Variants in TOGARAM1 observed in about 807,000 individuals in gnomAD.
TOGARAM1 encodes the protein TOG array regulator of axonemal microtubules protein 1.
TOGARAM1 carries 100 observed loss-of-function variants against 166.6 expected under a neutral mutation model. That is an observed-to-expected ratio of 0.60 (90% CI 0.51 to 0.71). The LOEUF (loss-of-function observed/expected upper bound fraction) is 0.71. Among genes scored for constraint, TOGARAM1 ranks in the 30% least tolerant of loss-of-function variants. The pLI, the probability that TOGARAM1 is intolerant of heterozygous loss-of-function variation, is 0.00. For synonymous variants in TOGARAM1, 758 were observed against 763.8 expected, an observed-to-expected ratio of 0.99 and a Z score of 0.13; for missense variants, 2,029 against 2,102.7, an observed-to-expected ratio of 0.96 and a Z score of 0.69.
chr14:45,035,241 TC>T, intron 11 of TOGARAM1, among the ~76,000 whole-genome samples: 1 of 152,204 alleles, frequency 6.6e-6, no homozygotes, highest in East Asian at 1.9e-4. Context: ...ACACCTGTAG[TC>T]CCAGCTACTG....
rs570486827 is a variant in TOGARAM1 at position 45,067,079 on chromosome 14, A to G, written c.4749+312A>G. On this transcript the variant is annotated intron_variant, in intron 17 of 19. Coordinates refer to ENST00000361462, the MANE Select transcript of TOGARAM1 (RefSeq NM_001308120.2). ...ATGGAATGTAACTAATAAATTACTT[A>G]TATACATATCATATATAGATATATA... Among the ~76,000 whole-genome samples the G allele has an allele frequency of 2.2e-4, 33 of 152,332 alleles. No individual in the cohort carries two copies. The South Asian group carries it at 6.6e-3, about 31-fold the overall frequency.
intron 1 of TOGARAM1, among the ~76,000 whole-genome samples, chr14:44,991,030 G>A (rs1011586518): frequency 4.9e-5 from 7 of 141,808 alleles, no homozygotes; most frequent in Admixed American, 2.9e-4. Context: ...CACAGTTATG[G>A]CTCACTGCAG....
intron 15 of TOGARAM1, 47 bp downstream of exon 15, chr14:45,052,609 T>G: frequency 6.6e-7 from 1 of 1,519,970 alleles, no homozygotes; most frequent in South Asian, 1.2e-5. Context: ...AAGCAAAGCT[T>G]GTTTTTACAT....
In TOGARAM1 at chr14:44,962,927, C is replaced by T; in HGVS notation, c.506C>T (p.Ala169Val). The change falls in exon 1 of 20, where the codon GCA (alanine) becomes GTA (valine). Residue 169 changes from alanine to valine, a missense_variant. By Grantham distance (64) the Ala-to-Val change is moderately conservative. This residue lies in a region of TOGARAM1 where 1,453 missense variants were observed against 1,432.2 expected (regional missense o/e 1.01). Coordinates refer to ENST00000361462, the MANE Select transcript of TOGARAM1 (RefSeq NM_001308120.2). ...LSDVLRGQGE[A>V]GQLEEAFSLA... ...GACGTTCTCCGGGGTCAGGGGGAGG[C>T]AGGCCAGCTTGAAGAGGCCTTTAGC... 1 of 1,614,200 alleles carries T rather than the reference C, an allele frequency of 6.2e-7. No individual in the cohort carries two copies. Among genetic ancestry groups the T allele is most frequent in the Middle Eastern group, 1.6e-4 (1 of 6,062 alleles).
chr14:45,012,615 C>G (rs1474631008), intron 7 of TOGARAM1, among the ~76,000 whole-genome samples: 1 of 152,072 alleles, frequency 6.6e-6, no homozygotes, highest in Non-Finnish European at 1.5e-5. Flanking sequence ...GCACTATGAT[C>G]TATTTAGGGT....
chr14:45,027,543 A>G (rs1325661760), intron 9 of TOGARAM1, 69 bp downstream of exon 9: 1 of 1,195,984 alleles, frequency 8.4e-7, no homozygotes, highest in Non-Finnish European at 1.1e-6. Context: ...TGTATATCAG[A>G]TGTGGGGTGG....
chr14:45,016,461 C>T (rs1158901237), intron 7 of TOGARAM1, among the ~76,000 whole-genome samples: 1 of 152,200 alleles, frequency 6.6e-6, no homozygotes, highest in Non-Finnish European at 1.5e-5. Flanking sequence ...GCGGGCGGAT[C>T]ACGAGGTCAG....
intron 1 of TOGARAM1, among the ~76,000 whole-genome samples, chr14:44,990,942 C>T (rs1212910595): frequency 6.9e-6 from 1 of 144,428 alleles, no homozygotes; most frequent in Non-Finnish European, 1.5e-5. Flanking sequence ...AGCCACTACA[C>T]CCAGCTGAGG....
intron 11 of TOGARAM1, among the ~76,000 whole-genome samples, chr14:45,038,987 A>C (rs1881581294): frequency 6.6e-6 from 1 of 152,082 alleles, no homozygotes; most frequent in Non-Finnish European, 1.5e-5. Flanking sequence ...GGGGAGACCC[A>C]GAGTGGGTAG....
intron 1 of TOGARAM1, among the ~76,000 whole-genome samples, chr14:44,993,286 CAAAAACA>C (rs1887243594): frequency 1.8e-5 from 2 of 108,832 alleles, no homozygotes; most frequent in South Asian, 5.2e-4. Context: ...GAACCTGTCT[CAAAAACA>C]AAAACAAAAA....
At chr14:44,981,786 A>C (rs1412699382) in intron 1 of TOGARAM1, among the ~76,000 whole-genome samples, 1 of 151,904 alleles carries the variant, frequency 6.6e-6, no homozygotes, top group Non-Finnish European at 1.5e-5. Flanking sequence ...TCAGTTTATG[A>C]ATACAAGGTA....
In TOGARAM1 at chr14:44,987,004, CA is replaced by C. The variant is rs749013284; in HGVS notation, c.2047-8727del. On this transcript the variant is annotated intron_variant, in intron 1 of 19. Transcript: ENST00000361462. The stretch of plus-strand genomic sequence containing the variant: ...TGGGCGACAGAGCGAGACTCTGTCT[CA>C]AAAAAAAAAAAAAAGAAAGAAAAAA... 5.4e-3 allele frequency among the ~76,000 whole-genome samples: 317 copies of C among 58,320 alleles called. 1 individual carries two copies. Among genetic ancestry groups the C allele is most frequent in the East Asian group, 0.029 (67 of 2,272 alleles). 38.3% of individuals were successfully genotyped at this position (58,320 alleles called of 152,430 possible).
At chr14:45,024,321 G>A (rs1056351222) in intron 7 of TOGARAM1, among the ~76,000 whole-genome samples, 29 of 151,934 alleles carry the variant, frequency 1.9e-4, no homozygotes, top group South Asian at 6.2e-4. Flanking sequence ...GAATTAGATG[G>A]AAGTATTATA....
chr14:44,994,267 G>C (rs1887302048), intron 1 of TOGARAM1, among the ~76,000 whole-genome samples: 1 of 152,032 alleles, frequency 6.6e-6, no homozygotes, highest in Non-Finnish European at 1.5e-5. Context: ...TACAGGTGTA[G>C]GCTACCATGC....
At chr14:44,983,128 T>G (rs1886616977) in intron 1 of TOGARAM1, among the ~76,000 whole-genome samples, 1 of 152,102 alleles carries the variant, frequency 6.6e-6, no homozygotes, top group African/African-American at 2.4e-5. Context: ...TTTATTATGG[T>G]AGGTGTTAAA....
intron 1 of TOGARAM1, among the ~76,000 whole-genome samples, chr14:44,986,035 A>C (rs761133952): frequency 1.3e-5 from 2 of 152,358 alleles, no homozygotes; most frequent in Admixed American, 6.5e-5. Context: ...GTCTTATAAA[A>C]CTTAGTTGAA....
chr14:44,964,778 G>A (rs972599931), intron 1 of TOGARAM1, among the ~76,000 whole-genome samples: 2 of 151,858 alleles, frequency 1.3e-5, no homozygotes, highest in African/African-American at 4.8e-5. Context: ...TACCTAGTAC[G>A]TGCCAGATAA....
Position 45,056,282 on chromosome 14 carries a change from CT to C in TOGARAM1, c.4559+1736del, listed in dbSNP as rs1240009965. ...AAATCTAAGAGTCTTTTGGTGGAGTCTTTGGGGTTTTCTAGATATAAGATCA... is the reference window on the plus strand; with the variant it reads ...AAATCTAAGAGTCTTTTGGTGGAGTCTTGGGGTTTTCTAGATATAAGATCA... On this transcript the variant is annotated intron_variant, in intron 16 of 19. Coordinates refer to ENST00000361462, the MANE Select transcript of TOGARAM1 (RefSeq NM_001308120.2). Among the ~76,000 whole-genome samples the C allele has an allele frequency of 4.6e-5, 7 of 152,092 alleles. 1 individual carries two copies. Among genetic ancestry groups the C allele is most frequent in the African/African-American group, 1.7e-4 (7 of 41,508 alleles).
chr14:45,025,711 A>G (rs1327445438), intron 7 of TOGARAM1, 72 bp from the exon 8 acceptor site: 2 of 810,186 alleles, frequency 2.5e-6, no homozygotes, highest in Non-Finnish European at 4.1e-6. Context: ...AGACTATGTT[A>G]CAATATCCTA....
Sources: gnomAD v4.1 joint callset for allele counts (sites outside exome capture counted in the v4.1 genomes callset) on GRCh38, gnomAD v4.1.1 for gene constraint, gnomAD v4.1.1 regional missense constraint, MANE v1.5 for transcripts, NCBI Gene and HGNC (gene_info 2026-07-23, HGNC 2026-07-21) for gene names.